Variants in ADAMTS14 observed in about 807,000 individuals in gnomAD.
The protein encoded by ADAMTS14 is ADAM metallopeptidase with thrombospondin type 1 motif 14, also known as A disintegrin and metalloproteinase with thrombospondin motifs 14.
In ADAMTS14, 100 loss-of-function variants were observed where a neutral mutation model predicts 128.6. The ratio of observed to expected loss-of-function variants is 0.78; its 90% CI spans 0.66 to 0.92. The LOEUF (loss-of-function observed/expected upper bound fraction) is 0.92, where lower values mean the gene tolerates loss of function less well. Ranked by LOEUF, ADAMTS14 falls within the 40% of genes least tolerant of loss-of-function variation. The pLI is 0.00. For synonymous variants in ADAMTS14, 665 were observed against 653.8 expected (o/e 1.02, Z -0.26); for missense variants, 1,562 against 1,658.6 (o/e 0.94, Z 1.01).
At chr10:70,705,063 A>G (rs909810761) in intron 3 of ADAMTS14, among the ~76,000 whole-genome samples, 5 of 152,150 alleles carry the variant, frequency 3.3e-5, no homozygotes, top group Non-Finnish European at 1.5e-5. Flanking sequence ...ACACATGCTC[A>G]TATACACATA....
chr10:70,702,549 T>A (rs1294417455), intron 3 of ADAMTS14, 81 bp downstream of exon 3: 3 of 1,500,900 alleles, frequency 2.0e-6, no homozygotes, highest in Non-Finnish European at 2.7e-6. Context: ...CCTTAAGCTG[T>A]CCATGTCTGG....
At chr10:70,700,769 G>A (rs932255242) in intron 2 of ADAMTS14, among the ~76,000 whole-genome samples, 1 of 152,158 alleles carries the variant, frequency 6.6e-6, no homozygotes, top group Non-Finnish European at 1.5e-5. Flanking sequence ...TCATAGCACC[G>A]GGCAGGACGT....
chr10:70,707,110 T>A (rs910405467), intron 3 of ADAMTS14, among the ~76,000 whole-genome samples: 5 of 152,222 alleles, frequency 3.3e-5, no homozygotes, highest in African/African-American at 9.6e-5. Context: ...GTGGGGTGCC[T>A]TCTCTGATCA....
At chr10:70,696,260 G>A (rs1012633213) in intron 2 of ADAMTS14, among the ~76,000 whole-genome samples, 1 of 152,094 alleles carries the variant, frequency 6.6e-6, no homozygotes, top group East Asian at 1.9e-4. Flanking sequence ...CGGAGTAGGG[G>A]GACCACATCC....
At chr10:70,683,107 G>C (rs935228390) in intron 2 of ADAMTS14, among the ~76,000 whole-genome samples, 2 of 152,268 alleles carry the variant, frequency 1.3e-5, no homozygotes, top group Non-Finnish European at 2.9e-5. Flanking sequence ...AGGCCCTGCA[G>C]GCCCGCTGTG....
At chr10:70,691,383 C>T (rs1331143943) in intron 2 of ADAMTS14, among the ~76,000 whole-genome samples, 1 of 138,118 alleles carries the variant, frequency 7.2e-6, no homozygotes, top group African/African-American at 2.6e-5. Context: ...CCCAGCTACT[C>T]GGGAAACTGA....
At chr10:70,692,118 G>A (rs976610438) in intron 2 of ADAMTS14, among the ~76,000 whole-genome samples, 1 of 151,996 alleles carries the variant, frequency 6.6e-6, no homozygotes, top group Non-Finnish European at 1.5e-5. Context: ...TGATTTCATC[G>A]GTCTGGGAGG....
At position 70,686,330 on chromosome 10, in the gene ADAMTS14, C is replaced by G. The variant is rs868354674; in HGVS notation, c.522+11335C>G. Among the ~76,000 whole-genome samples the G allele has an allele frequency of 5.4e-4, 68 of 125,212 alleles. 1 individual carries two copies. The highest frequency in any genetic ancestry group is 1.8e-3 in the African/African-American group (61 of 33,178). 82.1% of individuals were successfully genotyped at this position (125,212 alleles called of 152,430 possible). On this transcript the variant is annotated intron_variant, in intron 2 of 21. Transcript: ENST00000373207. Reference sequence around the variant, plus strand: ...ATTGATAATTCTTGGGTGTTTCTCACAGAGGGGGATTTGGCAGGGTCATGG... The same window carrying G: ...ATTGATAATTCTTGGGTGTTTCTCAGAGAGGGGGATTTGGCAGGGTCATGG...
chr10:70,722,462 A>G (rs1841301195), intron 4 of ADAMTS14, among the ~76,000 whole-genome samples: 1 of 152,172 alleles, frequency 6.6e-6, no homozygotes, highest in Non-Finnish European at 1.5e-5. Flanking sequence ...TTGTCCTCTG[A>G]CAATGACTGC....
At chr10:70,687,808 C>CG (rs1840026985) in intron 2 of ADAMTS14, among the ~76,000 whole-genome samples, 1 of 28,172 alleles carries the variant, frequency 3.5e-5, no homozygotes, top group African/African-American at 1.9e-4. Context: ...CCAGTAGGGG[C>CG]GGCCGGGCAG....
intron 4 of ADAMTS14, among the ~76,000 whole-genome samples, chr10:70,728,818 T>C (rs1328560048): frequency 6.6e-6 from 1 of 152,232 alleles, no homozygotes; most frequent in Non-Finnish European, 1.5e-5. Context: ...TCCTGGAGTA[T>C]GTCTCCTGGA....
At chr10:70,687,315 G>T (rs1216365126) in intron 2 of ADAMTS14, among the ~76,000 whole-genome samples, 7 of 101,838 alleles carry the variant, frequency 6.9e-5, no homozygotes, top group African/African-American at 1.9e-4. Flanking sequence ...CCTGGACAGG[G>T]CGGCTGGCCG....
chr10:70,757,769 G>A (rs10823612), intron 19 of ADAMTS14, among the ~76,000 whole-genome samples, 193 bp from the exon 20 acceptor site: 50,487 of 152,040 alleles, frequency 0.33, 8,674 homozygotes, highest in Non-Finnish European at 0.37. Context: ...TTGGCAACAG[G>A]TACAGTGTCC....
chr10:70,694,764 AGTTT>A (rs375288722), intron 2 of ADAMTS14, among the ~76,000 whole-genome samples: 22 of 152,274 alleles, frequency 1.4e-4, no homozygotes, highest in Middle Eastern at 3.4e-3. Flanking sequence ...ATATATATAT[AGTTT>A]GTTTGTCCAT....
Position 70,674,777 on chromosome 10 carries a change from G to A in ADAMTS14, c.304G>A (p.Gly102Arg). 6.2e-7 allele frequency: 1 copy of A among 1,613,506 alleles called. No homozygotes were observed. The highest frequency in any genetic ancestry group is 8.5e-7 in the Non-Finnish European group (1 of 1,179,978). ...PGGTLWPGRV[G>R]RHSLYFNVTV... ...AGGGACCCTGTGGCCTGGCAGGGTG[G>A]GGCGCCACTCCCTCTACTTCAATGT... The change falls in exon 2 of 22, where the codon GGG becomes AGG. Residue 102 changes from glycine to arginine, a missense_variant. Physicochemically the swap from Gly to Arg is moderately radical, Grantham distance 125. Transcript: ENST00000373207.
At chr10:70,683,695 T>C (rs1242949102) in intron 2 of ADAMTS14, among the ~76,000 whole-genome samples, 1 of 152,240 alleles carries the variant, frequency 6.6e-6, no homozygotes, top group Non-Finnish European at 1.5e-5. Flanking sequence ...GTGGGTGGGC[T>C]GGCTGGTTCC....
At chr10:70,678,603 G>T (rs561329679) in intron 2 of ADAMTS14, among the ~76,000 whole-genome samples, 3 of 152,120 alleles carry the variant, frequency 2.0e-5, no homozygotes, top group Admixed American at 6.5e-5. Context: ...CGCGGGGCAG[G>T]GGGGCTTGGT....
intron 12 of ADAMTS14, among the ~76,000 whole-genome samples, chr10:70,741,641 C>T (rs1378884098): frequency 6.6e-6 from 1 of 152,204 alleles, no homozygotes; most frequent in Non-Finnish European, 1.5e-5. Flanking sequence ...GTTGTGGTTT[C>T]AGCAGAGTCG....
At chr10:70,700,187 G>A (rs1313880271) in intron 2 of ADAMTS14, among the ~76,000 whole-genome samples, 1 of 152,056 alleles carries the variant, frequency 6.6e-6, no homozygotes, top group Non-Finnish European at 1.5e-5. Context: ...TACAGTGGCA[G>A]AGGCTCTTGG....
Sources: gnomAD v4.1 joint callset for allele counts (sites outside exome capture counted in the v4.1 genomes callset) on GRCh38, gnomAD v4.1.1 for gene constraint, MANE v1.5 for transcripts, NCBI Gene and HGNC (gene_info 2026-07-23, HGNC 2026-07-21) for gene names.